Variants in TMX3 observed in about 807,000 individuals in gnomAD.
TMX3 encodes the protein thioredoxin related transmembrane protein 3, also known as protein disulfide-isomerase TMX3.
In TMX3, 40 loss-of-function variants were observed where a neutral mutation model predicts 64.4. That is an observed-to-expected ratio of 0.62 (90% CI 0.48 to 0.81). The LOEUF (loss-of-function observed/expected upper bound fraction) is 0.81. TMX3 is among the 30% of genes least tolerant of loss of function. The pLI, the probability that TMX3 is intolerant of heterozygous loss-of-function variation, is 0.00. For synonymous variants in TMX3, 189 were observed against 175.7 expected, an observed-to-expected ratio of 1.08 and a Z score of -0.60; for missense variants, 497 against 534.5, an observed-to-expected ratio of 0.93 and a Z score of 0.69.
At chr18:68,698,574 A>G (rs1453814914) in intron 6 of TMX3, among the ~76,000 whole-genome samples, 2 of 152,228 alleles carry the variant, frequency 1.3e-5, no homozygotes, top group African/African-American at 4.8e-5. Flanking sequence ...CAGAAAAAAT[A>G]AAATAGAAAA....
Position 68,710,065 on chromosome 18 carries a change from C to T in TMX3, c.221G>A (p.Gly74Asp). ...CATCTTTCCAACCTTAACTGGAGAA[C>T]CAATGCTTTTCATCTCAAGACCAAC... ...NEVGLEMKSI[G>D]SPVKVGKMDA... Residue 74 changes from glycine (G) to aspartate (D), a missense_variant, in exon 4 of 16, where the codon GGT (glycine) becomes GAT (aspartate). This residue lies in a region of TMX3 where 360 missense variants were observed against 383.5 expected (regional missense o/e 0.94). Transcript: ENST00000299608. The T allele has an allele frequency of 6.2e-7, 1 of 1,601,902 alleles. No individual in the cohort carries two copies. Among genetic ancestry groups the T allele is most frequent in the Non-Finnish European group, 8.5e-7 (1 of 1,174,442 alleles).
At position 68,688,043 on chromosome 18, in the gene TMX3, G is replaced by C; in HGVS notation, c.638-278C>G. 3 of 211,484 alleles carry C rather than the reference G, an allele frequency of 1.4e-5. No individual in the cohort carries two copies. The Admixed American group carries it at 1.7e-4, about 12-fold the overall frequency. 13.1% of individuals were successfully genotyped at this position (211,484 alleles called of 1,614,324 possible). A position where few individuals can be genotyped will look rare whatever the true frequency, so the allele number is the denominator to read the frequency against. On this transcript the variant is annotated intron_variant, in intron 9 of 15. Coordinates refer to ENST00000299608, the MANE Select transcript of TMX3 (RefSeq NM_019022.5). ...ATTGGAAATAATTTAAATAAATTTT[G>C]GTATATGTCGATAAAGATCATTTAT...
At chr18:68,713,055 C>T (rs1338385855) in intron 2 of TMX3, among the ~76,000 whole-genome samples, 3 of 151,900 alleles carry the variant, frequency 2.0e-5, no homozygotes, top group African/African-American at 7.3e-5. Flanking sequence ...TCCATCTCTC[C>T]CCATGAAACA....
At chr18:68,700,207 T>C (rs938747215) in intron 6 of TMX3, among the ~76,000 whole-genome samples, 198 bp downstream of exon 6, 1 of 152,148 alleles carries the variant, frequency 6.6e-6, no homozygotes, top group Non-Finnish European at 1.5e-5. Context: ...AACAAGTATG[T>C]AATACAAACC....
intron 10 of TMX3, chr18:68,687,405 A>G (rs1258858119): frequency 1.0e-6 from 1 of 984,954 alleles, no homozygotes; most frequent in East Asian, 1.1e-4. Context: ...TATTTTTCTC[A>G]CTCTCTTATT....
chr18:68,698,383 A>AT (rs1915324215), intron 6 of TMX3, among the ~76,000 whole-genome samples: 1 of 152,090 alleles, frequency 6.6e-6, no homozygotes, highest in South Asian at 2.1e-4. Flanking sequence ...CAAGAGAGTT[A>AT]TTTTTTTCTC....
At chr18:68,679,628 C>T (rs1913233071) in intron 14 of TMX3, 97 bp from the exon 15 acceptor site, 2 of 965,080 alleles carry the variant, frequency 2.1e-6, no homozygotes, top group South Asian at 3.2e-5. Context: ...ATGGTTGACT[C>T]CAAAATATTA....
chr18:68,714,898 C>T (rs1169677768), intron 1 of TMX3, 38 bp downstream of exon 1: 2 of 1,548,458 alleles, frequency 1.3e-6, no homozygotes, highest in Non-Finnish European at 8.7e-7. Flanking sequence ...CCAGGTCCCA[C>T]GCGCCCGCCA....
At chr18:68,682,575 A>G (rs1352080441) in intron 13 of TMX3, among the ~76,000 whole-genome samples, 1 of 152,096 alleles carries the variant, frequency 6.6e-6, no homozygotes, top group Admixed American at 6.6e-5. Flanking sequence ...AATGCTAAAC[A>G]TTTTCTATTT....
chr18:68,697,839 G>A (rs778821597), intron 7 of TMX3, 93 bp downstream of exon 7: 1 of 729,816 alleles, frequency 1.4e-6, no homozygotes, highest in Non-Finnish European at 2.3e-6. Flanking sequence ...AGTAAGTGCA[G>A]AGTAATAAGT....
At chr18:68,693,104 T>C (rs1037939580) in intron 8 of TMX3, among the ~76,000 whole-genome samples, 16 of 152,232 alleles carry the variant, frequency 1.1e-4, no homozygotes, top group Non-Finnish European at 1.2e-4. Context: ...TAATCCTTTA[T>C]GTTACATTAA....
In TMX3 at chr18:68,681,120, T is replaced by A. The variant is rs752465437; in HGVS notation, c.906-10A>T. ...TGGGACTGTCAATTCACTGAAAATA[T>A]AAAAACAAATCAAAATATACATTAA... On this transcript the variant is annotated splice_polypyrimidine_tract_variant and intron_variant, in intron 13 of 15. Transcript: ENST00000299608. 1.3e-6 allele frequency: 2 copies of A among 1,545,006 alleles called. No individual in the cohort carries two copies.
chr18:68,703,360 T>C (rs1379387013), intron 4 of TMX3, among the ~76,000 whole-genome samples: 2 of 152,208 alleles, frequency 1.3e-5, no homozygotes, highest in Admixed American at 6.5e-5. Flanking sequence ...AAAATGTATT[T>C]ATACACAAAT....
chr18:68,707,262 C>T (rs1266333013), intron 4 of TMX3, among the ~76,000 whole-genome samples: 2 of 151,296 alleles, frequency 1.3e-5, no homozygotes, highest in Non-Finnish European at 2.9e-5. Flanking sequence ...GCCACACTAT[C>T]CAAGGTCGGG....
chr18:68,688,821 A>G (rs1914219145), intron 9 of TMX3: 1 of 152,216 alleles, frequency 6.6e-6, no homozygotes. Flanking sequence ...ACTATCCCAA[A>G]TATCGCAAGT....
At chr18:68,700,958 G>C (rs2029999367) in intron 5 of TMX3, 1 of 985,120 alleles carries the variant, frequency 1.0e-6, no homozygotes, top group African/African-American at 1.7e-5. Context: ...AGCTCTTCTA[G>C]AAACGTACAT....
intron 1 of TMX3, 68 bp from the exon 2 acceptor site, chr18:68,713,968 C>A: frequency 2.6e-6 from 3 of 1,168,892 alleles, no homozygotes; most frequent in East Asian, 2.4e-5. Flanking sequence ...TAAGCTTAGT[C>A]ATCTCTGAAG....
rs537071122 is a variant in TMX3, at chr18:68,682,859, T to G, written c.905+66A>C. On this transcript the variant is annotated intron_variant, in intron 13 of 15. Coordinates refer to ENST00000299608, the MANE Select transcript of TMX3 (RefSeq NM_019022.5). ...TTTTCAGCTATTTAATCCTTCTACC[T>G]GTATCTCAGAAACAAATTTAAAAAT... The G allele has an allele frequency of 1.5e-5, 22 of 1,422,136 alleles. No individual in the cohort carries two copies. In the East Asian group the frequency reaches 5.1e-4, roughly 33 times the overall value. 88.1% of individuals were successfully genotyped at this position (1,422,136 alleles called of 1,614,324 possible).
At chr18:68,686,227 T>A (rs1379571130) in intron 10 of TMX3, among the ~76,000 whole-genome samples, 1 of 152,178 alleles carries the variant, frequency 6.6e-6, no homozygotes, top group East Asian at 1.9e-4. Flanking sequence ...GGGGCAATTA[T>A]GTCAGACACA....
Sources: allele counts gnomAD v4.1 joint callset (sites outside exome capture counted in the v4.1 genomes callset), GRCh38; gene constraint gnomAD v4.1.1; regional missense constraint gnomAD v4.1.1; transcripts MANE v1.5; gene names NCBI Gene and HGNC (gene_info 2026-07-23, HGNC 2026-07-21).